BMPR2: variants seen among roughly 807,000 people sequenced by gnomAD.
The protein encoded by BMPR2 is bone morphogenetic protein receptor type 2.
A neutral mutation model predicts 100.8 loss-of-function variants in BMPR2; 29 were observed. The ratio of observed to expected loss-of-function variants is 0.29; its 90% CI spans 0.21 to 0.39. The LOEUF (loss-of-function observed/expected upper bound fraction) is 0.39, where lower values mean the gene tolerates loss of function less well. Among genes scored for constraint, BMPR2 ranks in the 10% least tolerant of loss-of-function variants. The pLI is 1.00. For synonymous variants in BMPR2, 382 were observed against 442.3 expected, an observed-to-expected ratio of 0.86 and a Z score of 1.71; for missense variants, 1,011 against 1,274.5, an observed-to-expected ratio of 0.79 and a Z score of 3.15.
chr2:202,533,588 G>A (rs1335552846), intron 9 of BMPR2, among the ~76,000 whole-genome samples: 1 of 152,040 alleles, frequency 6.6e-6, no homozygotes, highest in African/African-American at 2.4e-5. Flanking sequence ...ACTTTGGGAG[G>A]CCAAGGCAGG....
chr2:202,519,022 A>G lies in BMPR2; in HGVS notation c.822A>G (p.Glu274=). The G allele has an allele frequency of 6.2e-7, 1 of 1,614,102 alleles. No homozygotes were observed. The highest frequency in any genetic ancestry group is 8.5e-7 in the Non-Finnish European group (1 of 1,179,996). The part of the protein sequence containing the change: ...DERVTADGRM[E]YLLVMEYYPN... ...GAGTCACTGCAGATGGACGCATGGA[A>G]TATTTGCTTGTGATGGAGTACTATC... is the stretch of plus-strand genomic sequence containing the variant. The change falls in exon 6 of 13, where the codon GAA becomes GAG. Residue 274 remains glutamate, a synonymous_variant. Transcript: ENST00000374580.
At chr2:202,392,100 C>T (rs1266715967) in intron 1 of BMPR2, among the ~76,000 whole-genome samples, 5 of 148,588 alleles carry the variant, frequency 3.4e-5, no homozygotes, top group African/African-American at 1.0e-4. Flanking sequence ...AAAGAAGTCT[C>T]GCTCTCGTCC....
chr2:202,516,870 G>A (rs1289624649), intron 5 of BMPR2, among the ~76,000 whole-genome samples: 2 of 152,114 alleles, frequency 1.3e-5, no homozygotes, highest in African/African-American at 4.8e-5. Context: ...TTTTGATCTG[G>A]AAACAGTGTA....
At chr2:202,421,103 T>C (rs1044146095) in intron 1 of BMPR2, among the ~76,000 whole-genome samples, 2 of 151,500 alleles carry the variant, frequency 1.3e-5, no homozygotes, top group Admixed American at 6.6e-5. Flanking sequence ...ACAAAAAAAT[T>C]AGCCGAGCAT....
At chr2:202,432,944 C>G (rs1156229812) in intron 1 of BMPR2, among the ~76,000 whole-genome samples, 1 of 150,052 alleles carries the variant, frequency 6.7e-6, no homozygotes, top group Non-Finnish European at 1.5e-5. Context: ...TTTGACCTGG[C>G]CTTATTCCAT....
intron 1 of BMPR2, among the ~76,000 whole-genome samples, chr2:202,378,704 G>C (rs1002637605): frequency 2.6e-5 from 4 of 152,094 alleles, no homozygotes; most frequent in Non-Finnish European, 5.9e-5. Flanking sequence ...AAAATAATTT[G>C]AACTTCTGAG....
intron 1 of BMPR2, among the ~76,000 whole-genome samples, chr2:202,416,589 C>G (rs1291007908): frequency 2.6e-5 from 4 of 151,514 alleles, no homozygotes; most frequent in African/African-American, 9.7e-5. Context: ...CCACGCCCAG[C>G]TAATTTTTGT....
chr2:202,559,604 G>T, intron 12 of BMPR2, 92 bp from the exon 13 acceptor site: 1 of 1,354,030 alleles, frequency 7.4e-7, no homozygotes. Context: ...ACCCTCCTGA[G>T]ACATTGGTTT....
intron 3 of BMPR2, among the ~76,000 whole-genome samples, chr2:202,502,959 C>G (rs1376811414): frequency 6.6e-6 from 1 of 152,210 alleles, no homozygotes; most frequent in African/African-American, 2.4e-5. Context: ...TTCGTTTCCT[C>G]TAGAATCGAG....
chr2:202,489,831 C>T (rs539639859), intron 3 of BMPR2, among the ~76,000 whole-genome samples: 86 of 152,298 alleles, frequency 5.6e-4, no homozygotes, highest in African/African-American at 1.8e-3. Context: ...TAAGATGTTA[C>T]ATGGGCAGTA....
At chr2:202,429,773 G>A (rs1036511830) in intron 1 of BMPR2, among the ~76,000 whole-genome samples, 1 of 152,170 alleles carries the variant, frequency 6.6e-6, no homozygotes, top group Non-Finnish European at 1.5e-5. Flanking sequence ...CAAGGCAGCA[G>A]GAGAGAGAAG....
intron 3 of BMPR2, among the ~76,000 whole-genome samples, chr2:202,473,688 G>C (rs1395653720): frequency 1.3e-5 from 2 of 152,104 alleles, no homozygotes; most frequent in East Asian, 3.9e-4. Context: ...CTATTCGGGA[G>C]GCTGAGGCAC....
intron 5 of BMPR2, among the ~76,000 whole-genome samples, chr2:202,517,234 A>AG (rs1278408114): frequency 6.6e-6 from 1 of 151,868 alleles, no homozygotes; most frequent in Non-Finnish European, 1.5e-5. Context: ...AAAAAAAAAA[A>AG]AAGATTTTTT....
At position 202,561,691 on chromosome 2, in the gene BMPR2, C is replaced by G. The variant is rs1352619573; in HGVS notation, c.*1745C>G. The G allele has an allele frequency of 6.6e-6, 1 of 152,150 alleles. No homozygotes were observed. Among genetic ancestry groups the G allele is most frequent in the African/African-American group, 2.4e-5 (1 of 41,446 alleles). The allele number at this position is 152,150 out of a possible 1,614,324, so 9.4% of individuals were successfully genotyped here. On this transcript the variant is annotated 3_prime_UTR_variant, in exon 13 of 13. Transcript: ENST00000374580. ...GTTTTTATCTCCTGAACAATATTTTCTCACTCATATTCCTCTATCTTATCA... is the reference window on the plus strand; with the variant it reads ...GTTTTTATCTCCTGAACAATATTTTGTCACTCATATTCCTCTATCTTATCA...
intron 1 of BMPR2, among the ~76,000 whole-genome samples, chr2:202,415,553 C>T (rs1314043302): frequency 6.6e-6 from 1 of 152,180 alleles, no homozygotes; most frequent in East Asian, 1.9e-4. Flanking sequence ...CAAGTCAGCT[C>T]TCTTGTTAGG....
At chr2:202,476,188 A>G (rs142978110) in intron 3 of BMPR2, among the ~76,000 whole-genome samples, 45 of 152,000 alleles carry the variant, frequency 3.0e-4, no homozygotes, top group Non-Finnish European at 5.0e-4. Flanking sequence ...TTGGTTGCAG[A>G]CTATGAAATA....
intron 3 of BMPR2, among the ~76,000 whole-genome samples, chr2:202,502,723 C>G (rs1687423928): frequency 6.6e-6 from 1 of 152,194 alleles, no homozygotes; most frequent in African/African-American, 2.4e-5. Flanking sequence ...AAGGAGGACT[C>G]TGCACCTTCT....
chr2:202,448,924 G>GGTGTGTGTGT (rs55680029), intron 1 of BMPR2, among the ~76,000 whole-genome samples: 111 of 142,920 alleles, frequency 7.8e-4, no homozygotes, highest in African/African-American at 2.3e-3. Flanking sequence ...GTTTAGAATT[G>GGTGTGTGTGT]GTGTGTGTGT....
intron 9 of BMPR2, among the ~76,000 whole-genome samples, chr2:202,537,077 G>T (rs1424725801): frequency 2.0e-5 from 3 of 151,812 alleles, no homozygotes; most frequent in Non-Finnish European, 4.4e-5. Flanking sequence ...TTTATTTTTT[G>T]TCGAGACAGT....
Sources: allele counts gnomAD v4.1 joint callset (sites outside exome capture counted in the v4.1 genomes callset), GRCh38; gene constraint gnomAD v4.1.1; transcripts MANE v1.5; gene names NCBI Gene and HGNC (gene_info 2026-07-23, HGNC 2026-07-21).